PRIM1: variants seen among roughly 807,000 people sequenced by gnomAD.
PRIM1 encodes the protein DNA primase small subunit.
A neutral mutation model predicts 60.2 loss-of-function variants in PRIM1; 38 were observed. The observed-to-expected ratio is 0.63, with a 90% confidence interval of 0.49 to 0.83. The LOEUF is 0.83. PRIM1 is among the 40% of genes least tolerant of loss of function. The pLI, the probability that PRIM1 is intolerant of heterozygous loss-of-function variation, is 0.00. For synonymous variants in PRIM1, 158 were observed against 160.2 expected, an observed-to-expected ratio of 0.99 and a Z score of 0.10; for missense variants, 388 against 506.2, an observed-to-expected ratio of 0.77 and a Z score of 2.24.
At chr12:56,745,098 C>A (rs796827719) in intron 5 of PRIM1, among the ~76,000 whole-genome samples, 5 of 146,498 alleles carry the variant, frequency 3.4e-5, no homozygotes, top group African/African-American at 1.3e-4. Flanking sequence ...CAGAGCAAGA[C>A]TCCGTCTCAA....
At chr12:56,749,017 G>A (rs1210862702) in intron 2 of PRIM1, among the ~76,000 whole-genome samples, 2 of 151,438 alleles carry the variant, frequency 1.3e-5, no homozygotes, top group Admixed American at 1.3e-4. Flanking sequence ...AAGGGTAGCA[G>A]AATTTTTTTT....
At chr12:56,735,131 T>C (rs1396553322) in intron 11 of PRIM1, among the ~76,000 whole-genome samples, 1 of 143,688 alleles carries the variant, frequency 7.0e-6, no homozygotes, top group Non-Finnish European at 1.5e-5. Context: ...TTTTTGAGTC[T>C]TGCTCTGTTG....
At chr12:56,734,345 A>G (rs1953807435) in intron 11 of PRIM1, 100 bp from the exon 12 acceptor site, 3 of 668,454 alleles carry the variant, frequency 4.5e-6, no homozygotes, top group African/African-American at 1.8e-5. Context: ...GGGCTGCCCA[A>G]TTGAAATATG....
intron 1 of PRIM1, chr12:56,751,550 T>C (rs1210631579): frequency 1.2e-5 from 2 of 162,826 alleles, no homozygotes; most frequent in Non-Finnish European, 2.7e-5. Context: ...CTTTCCAAAG[T>C]GCTGGGATTA....
chr12:56,731,608 G>T lies in PRIM1; in HGVS notation c.*107C>A. The stretch of plus-strand genomic sequence containing the variant: ...TTTCTCAAGGAAAATTTACTTTGAG[G>T]TTTAAGACACATATATAGTTCTGCC... On this transcript the variant is annotated 3_prime_UTR_variant, in exon 13 of 13. Transcript: ENST00000338193. 2 of 1,106,484 alleles carry T rather than the reference G, an allele frequency of 1.8e-6. No individual in the cohort carries two copies. The highest frequency in any genetic ancestry group is 1.3e-6 in the Non-Finnish European group (1 of 781,120). The allele number at this position is 1,106,484 out of a possible 1,614,324, so 68.5% of individuals were successfully genotyped here.
At chr12:56,734,622 T>C (rs112263992) in intron 11 of PRIM1, among the ~76,000 whole-genome samples, 2,123 of 150,958 alleles carry the variant, frequency 0.014, 51 homozygotes, top group African/African-American at 0.049. Context: ...TTGCTCAGGC[T>C]AGTCTTGAAC....
intron 7 of PRIM1, 178 bp from the exon 8 acceptor site, chr12:56,742,015 G>A: frequency 1.6e-6 from 1 of 632,618 alleles, no homozygotes; most frequent in Non-Finnish European, 2.8e-6. Flanking sequence ...CACTTTGGGA[G>A]GCAGAGGTGG....
intron 2 of PRIM1, among the ~76,000 whole-genome samples, chr12:56,750,139 G>C (rs1953936050): frequency 6.6e-6 from 1 of 152,196 alleles, no homozygotes; most frequent in Non-Finnish European, 1.5e-5. Flanking sequence ...AGGACTTTTA[G>C]TCAGTGAAAT....
intron 11 of PRIM1, among the ~76,000 whole-genome samples, chr12:56,735,863 C>G (rs1306448669): frequency 6.6e-6 from 1 of 150,718 alleles, no homozygotes; most frequent in East Asian, 2.0e-4. Context: ...GTTGGCCAGG[C>G]TGGTCTTGAA....
At chr12:56,744,256 G>A (rs900894796) in intron 5 of PRIM1, 133 bp from the exon 6 acceptor site, 11 of 603,412 alleles carry the variant, frequency 1.8e-5, no homozygotes, top group African/African-American at 1.1e-4. Flanking sequence ...TGTAATCCCA[G>A]CATTTTGGGA....
intron 2 of PRIM1, among the ~76,000 whole-genome samples, chr12:56,749,831 TCCAC>T (rs1953933780): frequency 6.6e-6 from 1 of 152,198 alleles, no homozygotes. Flanking sequence ...ATGTATTCCC[TCCAC>T]CCACCAGTGT....
Position 56,751,194 on chromosome 12 carries a change from C to T in PRIM1, c.105G>A (p.Val35=), listed in dbSNP as rs1953952997. 1 of 1,530,470 alleles carries T rather than the reference C, an allele frequency of 6.5e-7. No homozygotes were observed. The highest frequency in any genetic ancestry group is 2.1e-5 in the Admixed American group (1 of 47,404). 94.8% of individuals were successfully genotyped at this position (1,530,470 alleles called of 1,614,324 possible). A position where few individuals can be genotyped will look rare whatever the true frequency, so the allele number is the denominator to read the frequency against. ...CACGGTGTTGAAAGTAATTCTTTAT[C>T]ACTGCAAAATAAATGTACATTTTAA... The part of the protein sequence containing the change: ...QYYRWLNYGG[V]IKNYFQHREF... Residue 35 remains valine, a splice_region_variant and synonymous_variant, in exon 2 of 13, where the codon GTG becomes GTA. Coordinates refer to ENST00000338193, the MANE Select transcript of PRIM1 (RefSeq NM_000946.3).
intron 11 of PRIM1, among the ~76,000 whole-genome samples, chr12:56,736,508 CT>C (rs63112961): frequency 0.61 from 89,783 of 146,188 alleles, 27,621 homozygotes; most frequent in South Asian, 0.74. Flanking sequence ...AGAAATTATA[CT>C]TTTTTTTTTT....
intron 9 of PRIM1, among the ~76,000 whole-genome samples, chr12:56,741,044 G>T (rs1423335546): frequency 6.6e-6 from 1 of 152,094 alleles, no homozygotes; most frequent in Non-Finnish European, 1.5e-5. Context: ...AGACTCTGGG[G>T]CTCAAGTGAT....
chr12:56,752,066 CGAGAGA>C, intron 1 of PRIM1, 124 bp downstream of exon 1: 1 of 521,220 alleles, frequency 1.9e-6, no homozygotes, highest in Non-Finnish European at 3.4e-6. Flanking sequence ...GGGGCGGGCT[CGAGAGA>C]GCAAATGAAG....
intron 11 of PRIM1, among the ~76,000 whole-genome samples, chr12:56,738,022 G>T (rs886869624): frequency 2.0e-5 from 3 of 152,200 alleles, no homozygotes; most frequent in Non-Finnish European, 4.4e-5. Context: ...ACTGCGCCCA[G>T]CCAGCTTCTT....
chr12:56,734,351 A>G, intron 11 of PRIM1, 106 bp from the exon 12 acceptor site: 1 of 636,598 alleles, frequency 1.6e-6, no homozygotes, highest in South Asian at 2.2e-5. Context: ...CCCAATTGAA[A>G]TATGAGAGAA....
At position 56,742,575 on chromosome 12, in the gene PRIM1, AAAC is replaced by A. The variant is rs201439312; in HGVS notation, c.748+409_748+411del. Reference sequence around the variant, plus strand: ...AACACAGTATAAGACTCCGTCTTAAAAACAACAACAACAACAAAAAAACCCCAA... The same window carrying A: ...AACACAGTATAAGACTCCGTCTTAAAAACAACAACAACAAAAAAACCCCAA... On this transcript the variant is annotated intron_variant, in intron 7 of 12. Coordinates refer to ENST00000338193, the MANE Select transcript of PRIM1 (RefSeq NM_000946.3). Among the ~76,000 whole-genome samples, 202 of 152,106 alleles carry A rather than the reference AAAC, an allele frequency of 1.3e-3. 2 individuals carry two copies. The highest frequency in any genetic ancestry group is 4.4e-3 in the African/African-American group (181 of 41,464).
intron 11 of PRIM1, among the ~76,000 whole-genome samples, chr12:56,735,525 G>A (rs1953821007): frequency 6.6e-6 from 1 of 152,142 alleles, no homozygotes; most frequent in Non-Finnish European, 1.5e-5. Flanking sequence ...CTCCCAAGTA[G>A]CTGGGATCAC....
Sources: gnomAD v4.1 joint callset for allele counts (sites outside exome capture counted in the v4.1 genomes callset) on GRCh38, gnomAD v4.1.1 for gene constraint, MANE v1.5 for transcripts, NCBI Gene and HGNC (gene_info 2026-07-23, HGNC 2026-07-21) for gene names.